SLC29A3: variants seen among roughly 807,000 people sequenced by gnomAD.
SLC29A3 encodes solute carrier family 29 member 3.
Under a neutral mutation model 25.4 loss-of-function variants are expected in SLC29A3, and 18 were observed. That is an observed-to-expected ratio of 0.71 (90% CI 0.49 to 1.05). The LOEUF (loss-of-function observed/expected upper bound fraction) is 1.05. Ranked by LOEUF, SLC29A3 falls within the 50% of genes least tolerant of loss-of-function variation. The pLI, the probability that SLC29A3 is intolerant of heterozygous loss-of-function variation, is 0.00. For missense variants in SLC29A3, 586 were observed against 609.0 expected (o/e 0.96, Z 0.40); for synonymous variants, 258 against 267.1 (o/e 0.97, Z 0.33).
At chr10:71,351,424 C>T (rs534025896) in intron 3 of SLC29A3, 138 bp from the exon 4 acceptor site, 19 of 691,784 alleles carry the variant, frequency 2.7e-5, no homozygotes, top group African/African-American at 1.4e-4. Flanking sequence ...AGGCAGGATT[C>T]GAGTGCAGGC....
chr10:71,329,540 G>C (rs567628850), intron 2 of SLC29A3, among the ~76,000 whole-genome samples: 32 of 152,058 alleles, frequency 2.1e-4, no homozygotes, highest in African/African-American at 7.5e-4. Flanking sequence ...GAGGGGCCTG[G>C]GCACAAGCAT....
downstream of SLC29A3, chr10:71,364,248 T>C (rs1847144410): frequency 6.6e-6 from 1 of 152,224 alleles, no homozygotes; most frequent in African/African-American, 2.4e-5. Flanking sequence ...GTTTCTTTTT[T>C]GTGAACATCA....
chr10:71,364,604 T>A (rs1203742058), downstream of SLC29A3: 2 of 152,146 alleles, frequency 1.3e-5, no homozygotes, highest in Admixed American at 6.5e-5. Context: ...GAGCCGTGAA[T>A]CAGCCCTTTG....
intron 2 of SLC29A3, among the ~76,000 whole-genome samples, chr10:71,338,530 G>A (rs952593892): frequency 2.0e-5 from 3 of 152,140 alleles, no homozygotes; most frequent in Non-Finnish European, 2.9e-5. Flanking sequence ...GGTCAAAGCA[G>A]GTGGATCACC....
intron 4 of SLC29A3, among the ~76,000 whole-genome samples, chr10:71,354,084 C>T (rs1340357164): frequency 4.6e-5 from 7 of 152,152 alleles, no homozygotes; most frequent in Admixed American, 4.6e-4. Flanking sequence ...AGGGTTTACC[C>T]GTTGTTGCTG....
At chr10:71,372,784 G>A (rs891963978) in intron 3 of SLC29A3, among the ~76,000 whole-genome samples, 1 of 152,196 alleles carries the variant, frequency 6.6e-6, no homozygotes, top group African/African-American at 2.4e-5. Flanking sequence ...TGCATTTTAA[G>A]TGCCAAGCTC....
chr10:71,375,313 A>G (rs564908253), intron 3 of SLC29A3, among the ~76,000 whole-genome samples: 1 of 152,314 alleles, frequency 6.6e-6, no homozygotes, highest in East Asian at 1.9e-4. Flanking sequence ...TTTAGGTGCT[A>G]CCAAGCAGAG....
intron 3 of SLC29A3, among the ~76,000 whole-genome samples, chr10:71,372,159 C>T (rs933722934): frequency 6.6e-6 from 1 of 152,180 alleles, no homozygotes; most frequent in Non-Finnish European, 1.5e-5. Context: ...AGCATCTTCA[C>T]GGTGAACTTC....
chr10:71,367,315 T>C (rs986438798), downstream of SLC29A3, among the ~76,000 whole-genome samples: 2 of 152,226 alleles, frequency 1.3e-5, no homozygotes, highest in African/African-American at 4.8e-5. Flanking sequence ...AACAGCAGGG[T>C]TGTGGGACAT....
downstream of SLC29A3, among the ~76,000 whole-genome samples, chr10:71,363,703 G>A (rs1025909941): frequency 4.0e-5 from 6 of 151,892 alleles, no homozygotes; most frequent in Non-Finnish European, 7.4e-5. Context: ...AAATTCCTGA[G>A]CTCAAGCGAT....
Position 71,362,251 on chromosome 10 carries a change from T to C in SLC29A3, c.1071T>C (p.Phe357=). 6.2e-7 allele frequency: 1 copy of C among 1,614,164 alleles called. No individual in the cohort carries two copies. Among genetic ancestry groups the C allele is most frequent in the Non-Finnish European group, 8.5e-7 (1 of 1,180,032 alleles). ...TCACTACCTTCCTCCTGTACAACTT[T>C]GCTGACCTATGTGGCCGGCAGCTCA... ...IPLTTFLLYN[F]ADLCGRQLTA... is the part of the protein sequence containing the mutation. The change falls in exon 6 of 6, where the codon TTT becomes TTC. Residue 357 remains phenylalanine (F), a synonymous_variant. Transcript: ENST00000373189.
At position 71,362,638 on chromosome 10, in the gene SLC29A3, A is replaced by G. The variant is rs567042712; in HGVS notation, c.*30A>G. 3.7e-6 allele frequency: 6 copies of G among 1,613,782 alleles called. No individual in the cohort carries two copies. Among genetic ancestry groups the G allele is most frequent in the Non-Finnish European group, 5.1e-6 (6 of 1,179,992 alleles). On this transcript the variant is annotated 3_prime_UTR_variant, in exon 6 of 6. Coordinates refer to ENST00000373189, the MANE Select transcript of SLC29A3 (RefSeq NM_018344.6). ...GAGGACACAAGGACATTGGTGCTTC[A>G]GAGCCTTTGAAGATGAGAAGAGAGT...
In SLC29A3 at chr10:71,361,970, G is replaced by A. The variant is rs1257784737; in HGVS notation, c.790G>A (p.Val264Ile). Reference protein sequence around the residue: ...LEYARYYMRPVLAAHVFSGEE... With the variant: ...LEYARYYMRPILAAHVFSGEE... ...TCCCTGCAGGTACTACATGAGGCCT[G>A]TTCTTGCGGCCCATGTGTTTTCTGG... Residue 264 changes from valine to isoleucine, a missense_variant, in exon 6 of 6, where the codon GTT becomes ATT. Val to Ile is a conservative substitution (Grantham distance 29, BLOSUM62 3). Coordinates refer to ENST00000373189, the MANE Select transcript of SLC29A3 (RefSeq NM_018344.6). 4 of 1,613,974 alleles carry A rather than the reference G, an allele frequency of 2.5e-6. No homozygotes were observed. Among genetic ancestry groups the A allele is most frequent in the Middle Eastern group, 1.6e-4 (1 of 6,084 alleles).
chr10:71,355,010 C>T (rs538861893), intron 4 of SLC29A3, among the ~76,000 whole-genome samples: 20 of 152,234 alleles, frequency 1.3e-4, no homozygotes, highest in Non-Finnish European at 2.5e-4. Context: ...TGTGAGGGTT[C>T]GAAGGAACAG....
chr10:71,335,294 G>A (rs1163749636), intron 2 of SLC29A3, among the ~76,000 whole-genome samples: 4 of 152,066 alleles, frequency 2.6e-5, no homozygotes, highest in South Asian at 2.1e-4. Context: ...GAGACCACCC[G>A]CGAATCGGCC....
intron 2 of SLC29A3, among the ~76,000 whole-genome samples, chr10:71,335,536 T>G (rs1169169805): frequency 6.6e-6 from 1 of 151,858 alleles, no homozygotes; most frequent in Non-Finnish European, 1.5e-5. Flanking sequence ...AGGGGATGCC[T>G]GGGGGAGAGG....
At chr10:71,345,856 T>C (rs1274396972) in intron 3 of SLC29A3, among the ~76,000 whole-genome samples, 1 of 152,164 alleles carries the variant, frequency 6.6e-6, no homozygotes, top group Non-Finnish European at 1.5e-5. Flanking sequence ...GAGACAGCCG[T>C]GGTGGGGGGA....
At chr10:71,326,810 T>TC (rs1472036783) in intron 2 of SLC29A3, among the ~76,000 whole-genome samples, 1 of 152,242 alleles carries the variant, frequency 6.6e-6, no homozygotes, top group Admixed American at 6.5e-5. Flanking sequence ...ATGTAGTACC[T>TC]TCAGCTGCCC....
intron 2 of SLC29A3, among the ~76,000 whole-genome samples, chr10:71,331,497 TGAA>T (rs778837597): frequency 1.1e-4 from 17 of 152,210 alleles, no homozygotes; most frequent in Admixed American, 2.0e-4. Flanking sequence ...AAACGCATGA[TGAA>T]GAAGAGGGAG....
Sources: gnomAD v4.1 joint callset for allele counts (sites outside exome capture counted in the v4.1 genomes callset) on GRCh38, gnomAD v4.1.1 for gene constraint, MANE v1.5 for transcripts, NCBI Gene and HGNC (gene_info 2026-07-23, HGNC 2026-07-21) for gene names.